The following SGMS1 variants were observed in gnomAD, a reference collection of about 807,000 sequenced individuals.
SGMS1 encodes phosphatidylcholine:ceramide cholinephosphotransferase 1.
A neutral mutation model predicts 46.2 loss-of-function variants in SGMS1; 13 were observed. The ratio of observed to expected loss-of-function variants is 0.28; its 90% CI spans 0.18 to 0.45. The LOEUF is 0.45. Among genes scored for constraint, SGMS1 ranks in the 20% least tolerant of loss-of-function variants. SGMS1 has a pLI of 1.00. For synonymous variants in SGMS1, 203 were observed against 187.8 expected (o/e 1.08, Z -0.66); for missense variants, 324 against 519.9 (o/e 0.62, Z 3.66).
chr10:50,525,182 T>G (rs918967190), intron 2 of SGMS1, among the ~76,000 whole-genome samples: 4 of 152,188 alleles, frequency 2.6e-5, no homozygotes, highest in African/African-American at 9.7e-5. Context: ...AAGAAGTTCT[T>G]ATACTGGGTA....
intron 2 of SGMS1, among the ~76,000 whole-genome samples, chr10:50,567,485 T>C (rs1475061356): frequency 1.3e-5 from 2 of 152,152 alleles, no homozygotes; most frequent in African/African-American, 4.8e-5. Flanking sequence ...TCAGTGACTT[T>C]AAAATCTGGA....
At chr10:50,501,673 T>C (rs1000303547) in intron 3 of SGMS1, among the ~76,000 whole-genome samples, 7 of 152,194 alleles carry the variant, frequency 4.6e-5, no homozygotes, top group African/African-American at 7.2e-5. Context: ...TAGTGAGTCA[T>C]ACTTTAATTC....
At chr10:50,619,814 G>T (rs928095756) in intron 1 of SGMS1, among the ~76,000 whole-genome samples, 33 of 152,212 alleles carry the variant, frequency 2.2e-4, no homozygotes, top group African/African-American at 7.0e-4. Context: ...CAAGCTTGGG[G>T]TGATTTCAGG....
At chr10:50,330,118 C>G (rs772846131) in intron 7 of SGMS1, among the ~76,000 whole-genome samples, 6 of 152,040 alleles carry the variant, frequency 3.9e-5, no homozygotes, top group African/African-American at 7.2e-5. Flanking sequence ...CTAAATACTA[C>G]CAGCACTAGA....
At position 50,417,527 on chromosome 10, in the gene SGMS1, A is replaced by G. The variant is rs181934122; in HGVS notation, c.-232+15949T>C. On this transcript the variant is annotated intron_variant, in intron 6 of 10. Transcript: ENST00000361781. ...TACCTGGCCACACTAAATAGAAAGC[A>G]CAGTTATGGAGTAAACACACTCAGT... Among the ~76,000 whole-genome samples, 936 of 152,294 alleles carry G rather than the reference A, an allele frequency of 6.1e-3. 6 individuals carry two copies. Among genetic ancestry groups the G allele is most frequent in the Non-Finnish European group, 9.9e-3 (676 of 68,024 alleles).
At chr10:50,461,845 C>T (rs901482781) in intron 4 of SGMS1, among the ~76,000 whole-genome samples, 1 of 152,160 alleles carries the variant, frequency 6.6e-6, no homozygotes, top group African/African-American at 2.4e-5. Context: ...GGCATCCCTC[C>T]GTACCCTCCC....
chr10:50,591,539 T>C (rs1838541007), intron 1 of SGMS1, among the ~76,000 whole-genome samples: 1 of 152,226 alleles, frequency 6.6e-6, no homozygotes, highest in Non-Finnish European at 1.5e-5. Flanking sequence ...ATTATACTTC[T>C]CTTGTAGACA....
At chr10:50,538,868 C>G (rs900336769) in intron 2 of SGMS1, among the ~76,000 whole-genome samples, 3 of 152,204 alleles carry the variant, frequency 2.0e-5, no homozygotes, top group Admixed American at 2.0e-4. Context: ...TTGTAACCTT[C>G]CCCAGAATCC....
chr10:50,599,206 G>A (rs559440260), intron 1 of SGMS1, among the ~76,000 whole-genome samples: 6 of 152,072 alleles, frequency 3.9e-5, no homozygotes, highest in Non-Finnish European at 8.8e-5. Flanking sequence ...CAGAGTGACT[G>A]CAAAAAAACA....
chr10:50,317,977 G>A (rs948001945), intron 8 of SGMS1, among the ~76,000 whole-genome samples: 7 of 151,828 alleles, frequency 4.6e-5, no homozygotes, highest in African/African-American at 1.7e-4. Context: ...CTAATTTTTT[G>A]TATTTTAGTA....
At chr10:50,427,993 GTGTGTGTGTGCA>G (rs1849352462) in intron 6 of SGMS1, among the ~76,000 whole-genome samples, 1 of 152,104 alleles carries the variant, frequency 6.6e-6, no homozygotes, top group South Asian at 2.1e-4. Context: ...GAGAATGTGT[GTGTGTGTGTGCA>G]TGTGTGTGTA....
At chr10:50,540,643 C>T (rs900028022) in intron 2 of SGMS1, among the ~76,000 whole-genome samples, 2 of 152,132 alleles carry the variant, frequency 1.3e-5, no homozygotes, top group Admixed American at 1.3e-4. Context: ...GAAGTGAATG[C>T]TATCTCAGAG....
At chr10:50,439,336 C>T (rs1203404) in intron 5 of SGMS1, among the ~76,000 whole-genome samples, 79,876 of 151,796 alleles carry the variant, frequency 0.53, 21,462 homozygotes, top group Non-Finnish European at 0.59. Flanking sequence ...GGCCATCTTT[C>T]CAAGCAGAAA....
intron 1 of SGMS1, among the ~76,000 whole-genome samples, chr10:50,622,054 C>T (rs942465152): frequency 6.6e-6 from 1 of 152,234 alleles, no homozygotes; most frequent in African/African-American, 2.4e-5. Flanking sequence ...GAGGTTCCCC[C>T]AAAGCTGGCG....
intron 2 of SGMS1, among the ~76,000 whole-genome samples, chr10:50,583,260 A>AACAAGAAT (rs1290454190): frequency 1.3e-5 from 2 of 152,200 alleles, no homozygotes; most frequent in Non-Finnish European, 1.5e-5. Flanking sequence ...CTAAAGGTCA[A>AACAAGAAT]ACAAGAATAC....
intron 2 of SGMS1, among the ~76,000 whole-genome samples, chr10:50,532,343 C>G (rs142978303): frequency 2.1e-4 from 32 of 151,962 alleles, no homozygotes; most frequent in African/African-American, 7.5e-4. Context: ...AGGATAAGCT[C>G]TCTCATCCAA....
At chr10:50,608,549 T>A (rs1183449580) in intron 1 of SGMS1, among the ~76,000 whole-genome samples, 1 of 152,128 alleles carries the variant, frequency 6.6e-6, no homozygotes, top group Non-Finnish European at 1.5e-5. Flanking sequence ...CCCTTACACC[T>A]CAGCCTCCCA....
At chr10:50,503,585 CT>C (rs1837680068) in intron 3 of SGMS1, among the ~76,000 whole-genome samples, 2 of 152,206 alleles carry the variant, frequency 1.3e-5, no homozygotes, top group Admixed American at 1.3e-4. Flanking sequence ...GGCCCCACCC[CT>C]ATCTCCCTTC....
intron 5 of SGMS1, among the ~76,000 whole-genome samples, chr10:50,446,327 A>G (rs189414135): frequency 1.3e-5 from 2 of 152,212 alleles, no homozygotes; most frequent in East Asian, 3.9e-4. Flanking sequence ...ACCTGCCAAC[A>G]TGTGATGTCT....
Sources: gnomAD v4.1 joint callset for allele counts (sites outside exome capture counted in the v4.1 genomes callset) on GRCh38, gnomAD v4.1.1 for gene constraint, MANE v1.5 for transcripts, NCBI Gene and HGNC (gene_info 2026-07-23, HGNC 2026-07-21) for gene names.